Variants in FYB1 observed in about 807,000 individuals in gnomAD.
The protein encoded by FYB1 is FYN-binding protein 1.
A neutral mutation model predicts 94.1 loss-of-function variants in FYB1; 41 were observed. That is an observed-to-expected ratio of 0.44 (90% CI 0.34 to 0.57). The LOEUF is 0.57. Among genes scored for constraint, FYB1 ranks in the 20% least tolerant of loss-of-function variants. FYB1 has a pLI of 0.02. For synonymous variants in FYB1, 367 were observed against 353.2 expected (o/e 1.04, Z -0.44); for missense variants, 1,050 against 976.8 (o/e 1.07, Z -1.00).
chr5:39,112,039 A>C (rs1227390119), intron 16 of FYB1, among the ~76,000 whole-genome samples: 3 of 151,996 alleles, frequency 2.0e-5, no homozygotes, highest in African/African-American at 7.2e-5. Context: ...GTAATTTTTA[A>C]AAAGGGATAA....
intron 3 of FYB1, among the ~76,000 whole-genome samples, chr5:39,150,480 C>T (rs561490778): frequency 6.6e-6 from 1 of 152,330 alleles, no homozygotes; most frequent in South Asian, 2.1e-4. Flanking sequence ...CTTTGGAACA[C>T]TTACTTTACT....
chr5:39,254,690 C>T (rs1369191399), intron 1 of FYB1, among the ~76,000 whole-genome samples: 1 of 152,096 alleles, frequency 6.6e-6, no homozygotes, highest in African/African-American at 2.4e-5. Context: ...CAACTTGAGG[C>T]ATGCAAAATA....
chr5:39,258,775 G>GA (rs1002437571), intron 1 of FYB1, among the ~76,000 whole-genome samples: 6 of 151,588 alleles, frequency 4.0e-5, no homozygotes, highest in East Asian at 1.9e-4. Flanking sequence ...AATATAAAAT[G>GA]AAAAAAAATG....
intron 1 of FYB1, among the ~76,000 whole-genome samples, chr5:39,249,201 G>T (rs182515144): frequency 1.3e-5 from 2 of 152,294 alleles, no homozygotes; most frequent in African/African-American, 4.8e-5. Context: ...CCTGGGGATA[G>T]AGGTTGTGGC....
At chr5:39,246,136 G>T (rs1751469476) in intron 1 of FYB1, among the ~76,000 whole-genome samples, 1 of 152,082 alleles carries the variant, frequency 6.6e-6, no homozygotes, top group Non-Finnish European at 1.5e-5. Context: ...CTCTGTTTGG[G>T]GTGGACCAGT....
intron 10 of FYB1, among the ~76,000 whole-genome samples, chr5:39,129,576 A>G (rs1222230021): frequency 6.6e-6 from 1 of 152,114 alleles, no homozygotes; most frequent in Non-Finnish European, 1.5e-5. Context: ...AGGGATGAGT[A>G]TTCAGAATAT....
At chr5:39,243,950 A>G (rs1250925378) in intron 1 of FYB1, among the ~76,000 whole-genome samples, 3 of 152,054 alleles carry the variant, frequency 2.0e-5, no homozygotes, top group African/African-American at 7.2e-5. Context: ...TTTGTCTGTT[A>G]TTGGTGTATA....
At chr5:39,273,164 G>T (rs919036023) in intron 1 of FYB1, among the ~76,000 whole-genome samples, 2 of 152,122 alleles carry the variant, frequency 1.3e-5, no homozygotes, top group Non-Finnish European at 2.9e-5. Context: ...CATTGAGAAC[G>T]GGCCATGATG....
intron 2 of FYB1, among the ~76,000 whole-genome samples, chr5:39,154,412 G>A (rs1009914911): frequency 1.1e-4 from 16 of 151,792 alleles, no homozygotes; most frequent in Non-Finnish European, 2.2e-4. Context: ...TTTTCTGAGA[G>A]GAAAAGAGGA....
At chr5:39,114,340 C>G (rs748531137) in intron 16 of FYB1, among the ~76,000 whole-genome samples, 3 of 152,120 alleles carry the variant, frequency 2.0e-5, no homozygotes, top group Non-Finnish European at 4.4e-5. Context: ...AACGCCTACA[C>G]AGTAGGAACT....
chr5:39,167,290 T>C (rs1034944041), intron 2 of FYB1, among the ~76,000 whole-genome samples: 1 of 151,946 alleles, frequency 6.6e-6, no homozygotes, highest in African/African-American at 2.4e-5. Context: ...TCTCTCTCCC[T>C]TGTTTTTGTT....
chr5:39,138,388 G>T, intron 6 of FYB1: 1 of 310,604 alleles, frequency 3.2e-6, no homozygotes, highest in Non-Finnish European at 5.9e-6. Flanking sequence ...TAAGAAATCA[G>T]ATTTCTGTCT....
At chr5:39,231,123 T>C (rs1187178758) in intron 1 of FYB1, among the ~76,000 whole-genome samples, 21 of 90,728 alleles carry the variant, frequency 2.3e-4, no homozygotes, top group Non-Finnish European at 4.5e-5. Context: ...TTTGATGGAA[T>C]AGAAAAAAGT....
chr5:39,167,396 T>C (rs1335670216), intron 2 of FYB1, among the ~76,000 whole-genome samples: 1 of 152,214 alleles, frequency 6.6e-6, no homozygotes, highest in Non-Finnish European at 1.5e-5. Context: ...AGATGACCTC[T>C]CACTCCTCCT....
intron 1 of FYB1, among the ~76,000 whole-genome samples, chr5:39,218,012 A>G (rs923779421): frequency 6.6e-6 from 1 of 152,224 alleles, no homozygotes; most frequent in African/African-American, 2.4e-5. Context: ...GGCAAGGTGC[A>G]GCATTGCACC....
intron 2 of FYB1, among the ~76,000 whole-genome samples, chr5:39,165,996 C>T (rs1373549306): frequency 3.3e-5 from 5 of 152,026 alleles, no homozygotes; most frequent in Admixed American, 6.6e-5. Flanking sequence ...GCAAGGATGT[C>T]GAGTAAAGGG....
At chr5:39,208,707 CG>C (rs1391788002) in intron 1 of FYB1, among the ~76,000 whole-genome samples, 1 of 152,014 alleles carries the variant, frequency 6.6e-6, no homozygotes, top group Non-Finnish European at 1.5e-5. Flanking sequence ...GCAGCCAGGG[CG>C]GGTGAAGACG....
intron 5 of FYB1, 163 bp from the exon 6 acceptor site, chr5:39,138,854 T>A (rs1174625853): frequency 1.2e-5 from 8 of 655,086 alleles, no homozygotes; most frequent in Admixed American, 2.3e-5. Context: ...AGCCATACTG[T>A]GAATTATTTT....
chr5:39,247,814 G>A (rs1432915354), intron 1 of FYB1, among the ~76,000 whole-genome samples: 2 of 151,544 alleles, frequency 1.3e-5, no homozygotes, highest in Non-Finnish European at 2.9e-5. Context: ...TTTTAGAAAA[G>A]TTTGTACTAA....
Sources: allele counts gnomAD v4.1 joint callset (sites outside exome capture counted in the v4.1 genomes callset), GRCh38; gene constraint gnomAD v4.1.1; transcripts MANE v1.5; gene names NCBI Gene and HGNC (gene_info 2026-07-23, HGNC 2026-07-21).